SNRPD3: variants seen among roughly 807,000 people sequenced by gnomAD.
SNRPD3 encodes small nuclear ribonucleoprotein D3 polypeptide.
For missense variants in SNRPD3, 73 were observed against 167.5 expected (o/e 0.44, Z 3.11); for synonymous variants, 66 against 58.4 (o/e 1.13, Z -0.59).
At chr22:24,565,476 A>G (rs2045188163) in intron 2 of SNRPD3, among the ~76,000 whole-genome samples, 1 of 152,044 alleles carries the variant, frequency 6.6e-6, no homozygotes, top group African/African-American at 2.4e-5. Flanking sequence ...GTTGTCTTGT[A>G]TTTTCAAAAC....
chr22:24,568,260 G>C (rs1176014441), intron 3 of SNRPD3, 84 bp downstream of exon 3: 4 of 1,073,828 alleles, frequency 3.7e-6, no homozygotes, highest in Non-Finnish European at 5.4e-6. Flanking sequence ...CCTGGAGACA[G>C]AGAGGGTTTG....
At chr22:24,568,315 C>T (rs2045215373) in intron 3 of SNRPD3, 139 bp downstream of exon 3, 1 of 616,080 alleles carries the variant, frequency 1.6e-6, no homozygotes, top group African/African-American at 1.9e-5. Flanking sequence ...ACCCCTTCCC[C>T]TTGCAGCGTG....
At chr22:24,567,009 C>G (rs1360620499) in intron 2 of SNRPD3, among the ~76,000 whole-genome samples, 1 of 152,240 alleles carries the variant, frequency 6.6e-6, no homozygotes, top group Non-Finnish European at 1.5e-5. Flanking sequence ...TCCTCACATC[C>G]TGTAGGCTCC....
chr22:24,562,005 A>T (rs1162833292), intron 2 of SNRPD3, among the ~76,000 whole-genome samples: 1 of 152,090 alleles, frequency 6.6e-6, no homozygotes, highest in Non-Finnish European at 1.5e-5. Context: ...AGTCTCACAC[A>T]CACACAAAAG....
At chr22:24,563,136 G>A (rs2045159519) in intron 2 of SNRPD3, among the ~76,000 whole-genome samples, 2 of 152,064 alleles carry the variant, frequency 1.3e-5, no homozygotes, top group South Asian at 4.2e-4. Flanking sequence ...GGGAGGCTGG[G>A]CCAGGGGGAT....
intron 2 of SNRPD3, among the ~76,000 whole-genome samples, chr22:24,562,705 C>T (rs1236040151): frequency 6.6e-6 from 1 of 152,138 alleles, no homozygotes; most frequent in African/African-American, 2.4e-5. Flanking sequence ...CAGAGCAAGA[C>T]CCTATCTCTA....
chr22:24,562,949 A>C (rs1236101497), intron 2 of SNRPD3, among the ~76,000 whole-genome samples: 1 of 152,216 alleles, frequency 6.6e-6, no homozygotes, highest in Non-Finnish European at 1.5e-5. Flanking sequence ...TTTCCCTGGC[A>C]CTCAGATACA....
At chr22:24,555,762 G>A (rs1156468964), upstream of SNRPD3, 23 of 1,550,424 alleles carry the variant, frequency 1.5e-5, no homozygotes, top group Admixed American at 2.0e-5. Context: ...TTGGAAGTGT[G>A]AGCACCCTCT....
chr22:24,562,118 A>G (rs1344406946), intron 2 of SNRPD3, among the ~76,000 whole-genome samples: 1 of 152,248 alleles, frequency 6.6e-6, no homozygotes, highest in Non-Finnish European at 1.5e-5. Flanking sequence ...TTGGCCTCCC[A>G]AAGTATTGGA....
At chr22:24,565,585 T>G (rs991049384) in intron 2 of SNRPD3, among the ~76,000 whole-genome samples, 1 of 152,092 alleles carries the variant, frequency 6.6e-6, no homozygotes, top group Non-Finnish European at 1.5e-5. Flanking sequence ...CACCTATAGG[T>G]CTTTAGGCCT....
intron 2 of SNRPD3, among the ~76,000 whole-genome samples, chr22:24,563,265 T>G (rs1194271714): frequency 2.0e-5 from 3 of 150,780 alleles, no homozygotes; most frequent in Non-Finnish European, 4.4e-5. Context: ...TATGTATATA[T>G]GTATGTATAT....
At chr22:24,561,111 G>A (rs915264237) in intron 2 of SNRPD3, among the ~76,000 whole-genome samples, 1 of 99,510 alleles carries the variant, frequency 1.0e-5, no homozygotes, top group Non-Finnish European at 1.8e-5. Flanking sequence ...TTGGTCTGTT[G>A]ACCAGGCTGG....
chr22:24,561,082 T>TTTTTTTTTTTTTTTA, intron 2 of SNRPD3, among the ~76,000 whole-genome samples: 1 of 137,410 alleles, frequency 7.3e-6, no homozygotes, highest in Non-Finnish European at 1.5e-5. Context: ...TTTTTTTTTT[T>TTTTTTTTTTTTTTTA]TTTTTTTGAG....
chr22:24,572,302 A>G lies in SNRPD3; in HGVS notation c.*325A>G, dbSNP rs1465290608. ...GCTGTTCCTGGCCAGTTGCAGGTTA[A>G]GCCCCAGAAAAGTTCACCTTGGAGA... is the stretch of plus-strand genomic sequence containing the variant. On this transcript the variant is annotated 3_prime_UTR_variant, in exon 4 of 4. Coordinates refer to ENST00000215829, the MANE Select transcript of SNRPD3 (RefSeq NM_004175.5). 2.2e-5 allele frequency: 13 copies of G among 601,252 alleles called. 2 individuals carry two copies. In the South Asian group the frequency reaches 2.5e-4, roughly 11 times the overall value. The allele number at this position is 601,252 out of a possible 1,614,324, so 37.2% of individuals were successfully genotyped here. A position where few individuals can be genotyped will look rare whatever the true frequency, so the allele number is the denominator to read the frequency against.
intron 1 of SNRPD3, among the ~76,000 whole-genome samples, chr22:24,556,367 TTTTTTTTTG>T (rs1440695529): frequency 2.2e-4 from 8 of 35,776 alleles, no homozygotes; most frequent in Admixed American, 4.2e-4. Context: ...ATCCTATGAG[TTTTTTTTTG>T]TTTTTTTTTT....
At chr22:24,564,030 T>C (rs1290889174) in intron 2 of SNRPD3, among the ~76,000 whole-genome samples, 1 of 152,200 alleles carries the variant, frequency 6.6e-6, no homozygotes, top group Non-Finnish European at 1.5e-5. Flanking sequence ...ACTTTTTTTT[T>C]CCTGTACTGT....
At chr22:24,568,375 T>G (rs1406461896) in intron 3 of SNRPD3, among the ~76,000 whole-genome samples, 199 bp downstream of exon 3, 2 of 152,030 alleles carry the variant, frequency 1.3e-5, no homozygotes, top group Non-Finnish European at 2.9e-5. Flanking sequence ...AGAGTCTCGC[T>G]TTGTCACCCA....
chr22:24,569,654 C>A (rs550327356), intron 3 of SNRPD3, among the ~76,000 whole-genome samples: 1 of 152,178 alleles, frequency 6.6e-6, no homozygotes, highest in Non-Finnish European at 1.5e-5. Flanking sequence ...CTGCACCCCC[C>A]ACTATTATTC....
intron 2 of SNRPD3, 86 bp from the exon 3 acceptor site, chr22:24,567,898 C>G (rs1038377691): frequency 4.9e-6 from 5 of 1,022,224 alleles, no homozygotes; most frequent in Non-Finnish European, 5.9e-6. Flanking sequence ...GTCTGCTTTT[C>G]TGGACTTCCC....
Sources: gnomAD v4.1 joint callset for allele counts (sites outside exome capture counted in the v4.1 genomes callset) on GRCh38, gnomAD v4.1.1 for gene constraint, MANE v1.5 for transcripts, NCBI Gene and HGNC (gene_info 2026-07-23, HGNC 2026-07-21) for gene names.